Variants in TSPYL2 observed in about 807,000 individuals in gnomAD.
The protein encoded by TSPYL2 is testis-specific Y-encoded-like protein 2.
A neutral mutation model predicts 33.0 loss-of-function variants in TSPYL2; 9 were observed. The observed-to-expected ratio is 0.27, with a 90% CI of 0.16 to 0.48. The LOEUF (loss-of-function observed/expected upper bound fraction) is 0.48. Among genes scored for constraint, TSPYL2 ranks in the 20% least tolerant of loss-of-function variants. The pLI, the probability that TSPYL2 is intolerant of heterozygous loss-of-function variation, is 0.99. For missense variants in TSPYL2, 636 were observed against 586.2 expected (o/e 1.08, Z -0.88); for synonymous variants, 330 against 233.6 (o/e 1.41, Z -3.77).
Position 53,082,837 on chromosome X carries a change from G to A in TSPYL2, c.339G>A (p.Glu113=), listed in dbSNP as rs1556807316. The A allele has an allele frequency of 3.3e-6, 4 of 1,205,829 alleles. No homozygotes were observed. Among genetic ancestry groups the A allele is most frequent in the Non-Finnish European group, 4.5e-6 (4 of 893,126 alleles). The change falls in exon 1 of 7, where the codon GAG becomes GAA. Residue 113 remains glutamate, a synonymous_variant. Coordinates refer to ENST00000375442, the MANE Select transcript of TSPYL2 (RefSeq NM_022117.4). ...ATGGGGAGGCGCCCCCGCCCACGGA[G>A]AGCCTGGAAGCACTCCCCACTCCTG... ...SGYGEAPPPT[E]SLEALPTPEA...
chrX:53,083,590 T>G (rs1932681844), intron 1 of TSPYL2, among the ~76,000 whole-genome samples: 4 of 93,203 alleles, frequency 4.3e-5, no homozygotes, highest in Non-Finnish European at 4.3e-5. Flanking sequence ...AAAAAAAGGA[T>G]CACAGATGAT....
chrX:53,082,999 G>A lies in TSPYL2; in HGVS notation c.501G>A (p.Glu167=). 1 of 1,210,954 alleles carries A rather than the reference G, an allele frequency of 8.3e-7. No individual in the cohort carries two copies. The highest frequency in any genetic ancestry group is 1.8e-5 in the South Asian group (1 of 56,833). The change falls in exon 1 of 7, where the codon GAG becomes GAA. Residue 167 remains glutamate, a synonymous_variant. Transcript: ENST00000375442. ...TAGTTGACCCGAAGAGCAAGGAAGA[G>A]GCGATCATCATAGTGGAGGATGAGG... is the stretch of plus-strand genomic sequence containing the variant. The part of the protein sequence containing the change: ...QRLVDPKSKE[E]AIIIVEDEDE...
In TSPYL2 at chrX:53,082,660, G is replaced by A. The variant is rs782294711; in HGVS notation, c.162G>A (p.Ala54=). ...CGAGGCTCCAGGAGGAAACGGAGGC[G>A]GCACAGGTGCTGGCCGATATGAGGG... is the stretch of plus-strand genomic sequence containing the variant. ...QRPRLQEETE[A]AQVLADMRGV... The change falls in exon 1 of 7, where the codon GCG becomes GCA. Residue 54 remains alanine (A), a synonymous_variant. Transcript: ENST00000375442. The A allele has an allele frequency of 2.6e-6, 3 of 1,154,216 alleles. No homozygotes were observed. Among genetic ancestry groups the A allele is most frequent in the African/African-American group, 1.8e-5 (1 of 55,446 alleles).
rs1191391707 is a variant in TSPYL2, at chrX:53,087,813, CTA to C, written c.1958_1959del (p.Tyr653Ter). 1.7e-5 allele frequency: 20 copies of C among 1,209,888 alleles called. No homozygotes were observed. The highest frequency in any genetic ancestry group is 3.0e-5 in the East Asian group (1 of 33,765). ...QDEDIYEEGN[Y>X]EEEGSEDVWE... ...ATGAGGACATCTATGAGGAAGGAAA[CTA>C]TGAGGAGGAAGGAAGTGAAGATGTC... On this transcript the variant is annotated frameshift_variant, in exon 7 of 7. Coordinates refer to ENST00000375442, the MANE Select transcript of TSPYL2 (RefSeq NM_022117.4). LOFTEE classifies it low-confidence loss of function (END_TRUNC).
intron 4 of TSPYL2, 48 bp downstream of exon 4, chrX:53,085,147 C>T (rs1266879945): frequency 8.4e-7 from 1 of 1,188,916 alleles, no homozygotes; most frequent in African/African-American, 1.8e-5. Context: ...TAGGCTTGTT[C>T]CTGGGTGCGT....
In TSPYL2 at chrX:53,082,933, C is replaced by T; in HGVS notation, c.435C>T (p.Ala145=). ...CGAGCAGTTTTGGTGGAGAGGGGGC[C>T]CTAGAAACCTGTAGCGCAGTGGGGT... ...VQSSSFGGEG[A]LETCSAVGWA... The change falls in exon 1 of 7, where the codon GCC becomes GCT. Residue 145 remains alanine, a synonymous_variant. Transcript: ENST00000375442. The T allele has an allele frequency of 8.3e-7, 1 of 1,210,480 alleles. No homozygotes were observed. Among genetic ancestry groups the T allele is most frequent in the South Asian group, 1.8e-5 (1 of 56,869 alleles).
Position 53,087,919 on chromosome X carries a change from AAG to A in TSPYL2, c.2065_2066del (p.Arg689GlyfsTer49), listed in dbSNP as rs1556809206. ...QVPNGWANPG[K>X]RGKTG Reference sequence around the variant, plus strand: ...CCCAAACGGTTGGGCCAATCCGGGGAAGAGGGGGAAAACCGGATAAGGGTTTT... The same window carrying A: ...CCCAAACGGTTGGGCCAATCCGGGGAAGGGGGAAAACCGGATAAGGGTTTT... On this transcript the variant is annotated frameshift_variant, in exon 7 of 7. Coordinates refer to ENST00000375442, the MANE Select transcript of TSPYL2 (RefSeq NM_022117.4). LOFTEE classifies it high-confidence loss of function. 4.1e-6 allele frequency: 5 copies of A among 1,211,259 alleles called. No homozygotes were observed. The highest frequency in any genetic ancestry group is 2.2e-5 in the Admixed American group (1 of 46,081).
rs1602101626 is a variant in TSPYL2, at chrX:53,082,585, G to C, written c.87G>C (p.Pro29=). 2.6e-6 allele frequency: 3 copies of C among 1,149,405 alleles called. 1 individual carries two copies. In the South Asian group the frequency reaches 5.8e-5, roughly 22 times the overall value. The allele number at this position is 1,149,405 out of a possible 1,213,427, so 94.7% of individuals were successfully genotyped here. Residue 29 remains proline, a synonymous_variant, in exon 1 of 7, where the codon CCG becomes CCC. Transcript: ENST00000375442. Reference sequence around the variant, plus strand: ...CACAGCGCGACCCGCCCCCGCCGCCGCCGCCGCCGCCGCTCCTCCGACTGC... The same window carrying C: ...CACAGCGCGACCCGCCCCCGCCGCCCCCGCCGCCGCCGCTCCTCCGACTGC... ...ESPQRDPPPP[P]PPPPLLRLPL... is the part of the protein sequence containing the mutation.
rs1556808374 is a variant in TSPYL2 at position 53,085,750 on chromosome X, C to T, written c.1358C>T (p.Ser453Phe). ...IDETIHDIKI[S>F]DFMETTDYFE... ...GAGACAATTCATGACATCAAGATCT[C>T]TGACTTCATGGAGACCACCGACTAC... Residue 453 changes from serine (S) to phenylalanine (F), a missense_variant, in exon 6 of 7, where the codon TCT becomes TTT. Around this residue, in one of 3 missense-constraint regions of TSPYL2, gnomAD observed 401 missense variants for 363.0 expected, o/e 1.10. Coordinates refer to ENST00000375442, the MANE Select transcript of TSPYL2 (RefSeq NM_022117.4). 3 of 1,211,283 alleles carry T rather than the reference C, an allele frequency of 2.5e-6. No individual in the cohort carries two copies. The highest frequency in any genetic ancestry group is 2.3e-4 in the Middle Eastern group (1 of 4,355).
intron 5 of TSPYL2, 147 bp downstream of exon 5, chrX:53,085,468 C>A (rs2146698296): frequency 1.4e-6 from 1 of 740,244 alleles, no homozygotes; most frequent in Non-Finnish European, 2.0e-6. Flanking sequence ...CCAGAAATGG[C>A]TTGAGGTTAC....
rs1569228374 is a variant in TSPYL2 at position 53,085,015 on chromosome X, T to C, written c.1059T>C (p.Arg353=). ...ACCGGGGCCAGGAACCCCAGGCCCG[T>C]CGTCACGGGAACCAGGATGCGAGCC... is the stretch of plus-strand genomic sequence containing the variant. ...RWHRGQEPQA[R]RHGNQDASHS... The change falls in exon 4 of 7, where the codon CGT becomes CGC. Residue 353 remains arginine (R), a synonymous_variant. Coordinates refer to ENST00000375442, the MANE Select transcript of TSPYL2 (RefSeq NM_022117.4). 8.3e-7 allele frequency: 1 copy of C among 1,209,995 alleles called. No homozygotes were observed. The highest frequency in any genetic ancestry group is 1.1e-6 in the Non-Finnish European group (1 of 895,151).
In TSPYL2 at chrX:53,082,600, C is replaced by A. The variant is rs1556807182; in HGVS notation, c.102C>A (p.Leu34=). The A allele has an allele frequency of 1.7e-6, 2 of 1,153,489 alleles. No individual in the cohort carries two copies. Among genetic ancestry groups the A allele is most frequent in the Non-Finnish European group, 1.1e-6 (1 of 869,613 alleles). ...CCCCGCCGCCGCCGCCGCCGCCGCT[C>A]CTCCGACTGCCGCTGCCTCCACCCC... ...DPPPPPPPPP[L]LRLPLPPPQQ... The change falls in exon 1 of 7, where the codon CTC becomes CTA. Residue 34 remains leucine, a synonymous_variant. Transcript: ENST00000375442.
chrX:53,085,476 TAC>T, intron 5 of TSPYL2, 153 bp from the exon 6 acceptor site: 1 of 746,160 alleles, frequency 1.3e-6, no homozygotes, highest in Non-Finnish European at 1.9e-6. Context: ...GGCTTGAGGT[TAC>T]ACAGTCAGGG....
At position 53,087,015 on chromosome X, in the gene TSPYL2, A is replaced by G. The variant is rs186504733; in HGVS notation, c.1918+705A>G. The G allele has an allele frequency of 1.5e-4, 17 of 116,090 alleles. No individual in the cohort carries two copies. The East Asian group carries it at 4.4e-3, about 30-fold the overall frequency. 9.6% of individuals were successfully genotyped at this position (116,090 alleles called of 1,213,427 possible). ...GTCGTATATGTTGGACAAGTACTGCATATAGTAATACCCTCTTGTAGAGTC... is the reference window on the plus strand; with the variant it reads ...GTCGTATATGTTGGACAAGTACTGCGTATAGTAATACCCTCTTGTAGAGTC... On this transcript the variant is annotated intron_variant, in intron 6 of 6. Transcript: ENST00000375442.
Position 53,085,005 on chromosome X carries a change from C to T in TSPYL2, c.1049C>T (p.Pro350Leu). The change falls in exon 4 of 7, where the codon CCC becomes CTC. Residue 350 changes from proline (P) to leucine (L), a missense_variant. By Grantham distance (98) the Pro-to-Leu change is moderately conservative. Around this residue, in one of 3 missense-constraint regions of TSPYL2, gnomAD observed 401 missense variants for 363.0 expected, o/e 1.10. Coordinates refer to ENST00000375442, the MANE Select transcript of TSPYL2 (RefSeq NM_022117.4). ...ATCCGCTGGCACCGGGGCCAGGAACCCCAGGCCCGTCGTCACGGGAACCAG... is the reference window on the plus strand; with the variant it reads ...ATCCGCTGGCACCGGGGCCAGGAACTCCAGGCCCGTCGTCACGGGAACCAG... ...TPIRWHRGQE[P>L]QARRHGNQDA... 8.3e-7 allele frequency: 1 copy of T among 1,211,616 alleles called. No homozygotes were observed. Among genetic ancestry groups the T allele is most frequent in the South Asian group, 1.8e-5 (1 of 57,007 alleles).
chrX:53,087,896 C>T lies in TSPYL2; in HGVS notation c.2039C>T (p.Pro680Leu). ...DSDLEDVLQV[P>L]NGWANPGKRG... Reference sequence around the variant, plus strand: ...GACCTAGAGGATGTGCTTCAGGTCCCAAACGGTTGGGCCAATCCGGGGAAG... The same window carrying T: ...GACCTAGAGGATGTGCTTCAGGTCCTAAACGGTTGGGCCAATCCGGGGAAG... The change falls in exon 7 of 7, where the codon CCA (proline) becomes CTA (leucine). Residue 680 changes from proline to leucine, a missense_variant. Physicochemically the swap from Pro to Leu is moderately conservative, Grantham distance 98. Transcript: ENST00000375442. The T allele has an allele frequency of 1.7e-6, 2 of 1,211,630 alleles. No individual in the cohort carries two copies. The highest frequency in any genetic ancestry group is 2.2e-6 in the Non-Finnish European group (2 of 895,413).
Position 53,087,949 on chromosome X carries a change from C to G in TSPYL2, c.*10C>G. The G allele has an allele frequency of 8.3e-7, 1 of 1,208,108 alleles. No homozygotes were observed. Among genetic ancestry groups the G allele is most frequent in the African/African-American group, 1.7e-5 (1 of 57,749 alleles). ...GGGGAAAACCGGATAAGGGTTTTCCCCTTTTGGGGATCACCTCTCTGTATC... is the reference window on the plus strand; with the variant it reads ...GGGGAAAACCGGATAAGGGTTTTCCGCTTTTGGGGATCACCTCTCTGTATC... On this transcript the variant is annotated 3_prime_UTR_variant, in exon 7 of 7. Transcript: ENST00000375442.
In TSPYL2 at chrX:53,083,060, AGGC is replaced by A. The variant is rs781796529; in HGVS notation, c.577_579del (p.Arg195del). On this transcript the variant is annotated inframe_deletion, in exon 1 of 7. Coordinates refer to ENST00000375442, the MANE Select transcript of TSPYL2 (RefSeq NM_022117.4). ...GCGGGAGAGTATGAGGAGCAGCAGG[AGGC>A]GGCGGCGGCGGCGGAGGAGGAAGCA... The A allele has an allele frequency of 1.4e-5, 17 of 1,203,783 alleles. No individual in the cohort carries two copies. The highest frequency in any genetic ancestry group is 5.9e-5 in the East Asian group (2 of 33,630).
chrX:53,085,472 A>C, intron 5 of TSPYL2, 151 bp downstream of exon 5: 2 of 737,594 alleles, frequency 2.7e-6, no homozygotes, highest in Non-Finnish European at 4.0e-6. Context: ...AAATGGCTTG[A>C]GGTTACACAG....
Sources: allele counts gnomAD v4.1 joint callset (sites outside exome capture counted in the v4.1 genomes callset), GRCh38; gene constraint gnomAD v4.1.1; regional missense constraint gnomAD v4.1.1; transcripts MANE v1.5; gene names NCBI Gene and HGNC (gene_info 2026-07-23, HGNC 2026-07-21).